LEMD1: variants seen among roughly 807,000 people sequenced by gnomAD.
LEMD1 encodes LEM domain containing 1.
In LEMD1, 18 loss-of-function variants were observed where a neutral mutation model predicts 17.4. That is an observed-to-expected ratio of 1.04 (90% CI 0.72 to 1.54). The LOEUF is 1.54. Ranked by LOEUF, LEMD1 falls within the 40% of genes most tolerant of loss-of-function variation. The probability of loss-of-function intolerance (pLI) is 0.00; values close to 1 mark genes in which losing one functional copy is unlikely to be tolerated. For synonymous variants in LEMD1, 88 were observed against 77.8 expected, an observed-to-expected ratio of 1.13 and a Z score of -0.69; for missense variants, 195 against 210.4, an observed-to-expected ratio of 0.93 and a Z score of 0.45.
chr1:205,448,163 G>T lies in LEMD1; in HGVS notation c.-39+1705C>A. 1 of 389,604 alleles carries T rather than the reference G, an allele frequency of 2.6e-6. No homozygotes were observed. The allele number at this position is 389,604 out of a possible 1,614,324, so 24.1% of individuals were successfully genotyped here. On this transcript the variant is annotated intron_variant, in intron 1 of 3. Transcript: ENST00000367154. This position sits in a 1 kb window ranked among gnomAD's most constrained non-coding sequence, Gnocchi z 4.7. ...ACAGGGCCAGAAGGGAAGTGACTGG[G>T]CCAAGGTCACACGGCTTAGCCCCGA...
At chr1:205,391,197 T>C (rs61824220) in intron 4 of LEMD1, among the ~76,000 whole-genome samples, 14,843 of 151,870 alleles carry the variant, frequency 0.098, 939 homozygotes, top group Non-Finnish European at 0.15. Flanking sequence ...TGGGAACAAA[T>C]TGGGGTAGAT....
intron 4 of LEMD1, chr1:205,386,935 TA>T (rs1012093724): frequency 6.6e-6 from 1 of 152,226 alleles, no homozygotes; most frequent in Non-Finnish European, 1.5e-5. Context: ...TTTAAGCATA[TA>T]CAAAAATAGA....
At chr1:205,420,677 C>T (rs1412783909) in intron 1 of LEMD1, 103 bp from the exon 2 acceptor site, 3 of 659,752 alleles carry the variant, frequency 4.5e-6, no homozygotes, top group South Asian at 3.5e-5. Context: ...CCCCAACCTC[C>T]TAGGTGCACA....
intron 4 of LEMD1, among the ~76,000 whole-genome samples, chr1:205,400,909 A>C (rs1197440457): frequency 7.6e-6 from 1 of 132,232 alleles, no homozygotes; most frequent in African/African-American, 2.9e-5. Context: ...ATGTGTTCTC[A>C]TTGTTCAATT....
At chr1:205,413,003 C>T (rs1378550957) in intron 4 of LEMD1, among the ~76,000 whole-genome samples, 1 of 152,156 alleles carries the variant, frequency 6.6e-6, no homozygotes, top group Non-Finnish European at 1.5e-5. Context: ...TTAAAATATA[C>T]TTTTAGAAAT....
chr1:205,424,113 AG>A (rs1666026926), upstream of LEMD1, among the ~76,000 whole-genome samples: 2 of 152,228 alleles, frequency 1.3e-5, no homozygotes, highest in Admixed American at 1.3e-4. Context: ...CAATTTACAT[AG>A]GGGAGAAGAT....
At chr1:205,417,819 A>C (rs1291391851) in intron 3 of LEMD1, among the ~76,000 whole-genome samples, 2 of 119,050 alleles carry the variant, frequency 1.7e-5, no homozygotes, top group Admixed American at 9.9e-5. Flanking sequence ...CTTTTTTTGT[A>C]GATCAGACAT....
chr1:205,398,161 A>T (rs920613406), intron 4 of LEMD1, among the ~76,000 whole-genome samples: 1 of 152,238 alleles, frequency 6.6e-6, no homozygotes, highest in Non-Finnish European at 1.5e-5. Context: ...AGGTAAGAAG[A>T]AAGGGCTTAT....
At chr1:205,432,881 T>C (rs10751438) in intron 1 of LEMD1, among the ~76,000 whole-genome samples, 125,989 of 152,160 alleles carry the variant, frequency 0.83, 54,015 homozygotes, top group Middle Eastern at 0.95. Flanking sequence ...CATGGTGGTA[T>C]GTGCTTGTAG....
chr1:205,384,949 A>G (rs1443034477), intron 4 of LEMD1, among the ~76,000 whole-genome samples: 1 of 150,458 alleles, frequency 6.6e-6, no homozygotes, highest in Non-Finnish European at 1.5e-5. Flanking sequence ...GCGAGGGAGC[A>G]CTCCACCCCT....
chr1:205,413,235 G>C (rs1459839647), intron 4 of LEMD1, among the ~76,000 whole-genome samples: 4 of 152,126 alleles, frequency 2.6e-5, no homozygotes, highest in Non-Finnish European at 4.4e-5. Flanking sequence ...CTATGTGCAA[G>C]ACCCTGTGAT....
At chr1:205,388,249 G>A (rs1328082488) in intron 4 of LEMD1, among the ~76,000 whole-genome samples, 1 of 151,162 alleles carries the variant, frequency 6.6e-6, no homozygotes, top group African/African-American at 2.4e-5. Context: ...CCAGGATGGC[G>A]TGCAGTGGCG....
intron 4 of LEMD1, among the ~76,000 whole-genome samples, chr1:205,415,825 C>T (rs1054689948): frequency 6.6e-6 from 1 of 152,188 alleles, no homozygotes; most frequent in Non-Finnish European, 1.5e-5. Flanking sequence ...TGCTTCAATA[C>T]GGTGCTGGGG....
At chr1:205,443,575 G>A (rs1218288094) in intron 1 of LEMD1, among the ~76,000 whole-genome samples, 1 of 152,192 alleles carries the variant, frequency 6.6e-6, no homozygotes, top group Admixed American at 6.5e-5. Flanking sequence ...AGGGCTGGCT[G>A]CCTCAGTGGG....
At position 205,448,443 on chromosome 1, in the gene LEMD1, G is replaced by C. The variant is rs1666440913; in HGVS notation, c.-39+1425C>G. The C allele has an allele frequency of 1.9e-6, 1 of 530,936 alleles. No homozygotes were observed. The highest frequency in any genetic ancestry group is 3.9e-6 in the Non-Finnish European group (1 of 259,384). The allele number at this position is 530,936 out of a possible 1,614,324, so 32.9% of individuals were successfully genotyped here. A position where few individuals can be genotyped will look rare whatever the true frequency, so the allele number is the denominator to read the frequency against. Reference sequence around the variant, plus strand: ...ATCTCATAGGGAAGCGAGAAGCTGGGGCACCCGAGAAGCCCTCACTCCCCT... The same window carrying C: ...ATCTCATAGGGAAGCGAGAAGCTGGCGCACCCGAGAAGCCCTCACTCCCCT... On this transcript the variant is annotated intron_variant, in intron 1 of 3. Coordinates refer to the LEMD1 transcript ENST00000367154. This position sits in a 1 kb window ranked among gnomAD's most constrained non-coding sequence, Gnocchi z 4.7.
chr1:205,445,775 TG>T lies in LEMD1; in HGVS notation c.-39+4092del, dbSNP rs78894286. ...GGGCAACGTGACAGGCAGCAGCAGCTGGGAACCTGGTGGACCAGACTGTCAG... is the reference window on the plus strand; with the variant it reads ...GGGCAACGTGACAGGCAGCAGCAGCTGGAACCTGGTGGACCAGACTGTCAG... On this transcript the variant is annotated intron_variant, in intron 1 of 3. Transcript: ENST00000367154. Among the ~76,000 whole-genome samples, 13 of 152,310 alleles carry T rather than the reference TG, an allele frequency of 8.5e-5. No homozygotes were observed. The East Asian group carries it at 2.5e-3, about 29-fold the overall frequency.
chr1:205,395,263 A>C (rs1390549649), intron 4 of LEMD1, among the ~76,000 whole-genome samples: 2 of 152,172 alleles, frequency 1.3e-5, no homozygotes, highest in African/African-American at 4.8e-5. Context: ...ATGACCACGT[A>C]AGAATTCTTT....
chr1:205,411,435 G>A (rs1286220425), intron 4 of LEMD1, among the ~76,000 whole-genome samples: 1 of 151,738 alleles, frequency 6.6e-6, no homozygotes, highest in Non-Finnish European at 1.5e-5. Context: ...GGCGCATGTA[G>A]TCCCAGCTAC....
chr1:205,430,052 AGG>A (rs1575003173), intron 1 of LEMD1, among the ~76,000 whole-genome samples: 1 of 152,256 alleles, frequency 6.6e-6, no homozygotes, highest in East Asian at 1.9e-4. Flanking sequence ...TAATGGCAGC[AGG>A]GCCAGGCAGC....
Sources: gnomAD v4.1 joint callset for allele counts (sites outside exome capture counted in the v4.1 genomes callset) on GRCh38, gnomAD v4.1.1 for gene constraint, Gnocchi (gnomAD v3.1) non-coding constraint, MANE v1.5 for transcripts, NCBI Gene and HGNC (gene_info 2026-07-23, HGNC 2026-07-21) for gene names.